ADCY8: variants seen among roughly 807,000 people sequenced by gnomAD.
The protein encoded by ADCY8 is adenylate cyclase type 8.
In ADCY8, 51 loss-of-function variants were observed where a neutral mutation model predicts 119.7. That is an observed-to-expected ratio of 0.43 (90% confidence interval 0.34 to 0.54). ADCY8 has a LOEUF of 0.54. ADCY8 is among the 20% of genes least tolerant of loss of function. The pLI is 0.03. For synonymous variants in ADCY8, 665 were observed against 651.0 expected, an observed-to-expected ratio of 1.02 and a Z score of -0.33; for missense variants, 1,383 against 1,598.8, an observed-to-expected ratio of 0.87 and a Z score of 2.30.
At chr8:130,869,324 G>A (rs1236641052) in intron 8 of ADCY8, among the ~76,000 whole-genome samples, 1 of 151,978 alleles carries the variant, frequency 6.6e-6, no homozygotes, top group Non-Finnish European at 1.5e-5. Flanking sequence ...ATTATTAATA[G>A]TTACCAATAG....
chr8:131,036,088 T>C (rs984475759), intron 1 of ADCY8, among the ~76,000 whole-genome samples: 2 of 152,208 alleles, frequency 1.3e-5, no homozygotes, highest in East Asian at 1.9e-4. Context: ...AAAGGGTTTC[T>C]GAAGAATAAT....
At chr8:130,830,776 G>A (rs569238882) in intron 12 of ADCY8, among the ~76,000 whole-genome samples, 21 of 152,306 alleles carry the variant, frequency 1.4e-4, no homozygotes, top group African/African-American at 4.6e-4. Flanking sequence ...CAGCAAAACT[G>A]ATGCTCTTAT....
At chr8:130,836,515 T>A in intron 11 of ADCY8, 66 bp from the exon 12 acceptor site, 1 of 1,524,142 alleles carries the variant, frequency 6.6e-7, no homozygotes, top group Non-Finnish European at 8.9e-7. Flanking sequence ...TAGCCATGGA[T>A]GCTAGTAGGT....
chr8:130,842,357 T>C (rs926135641), intron 11 of ADCY8, among the ~76,000 whole-genome samples: 2 of 152,194 alleles, frequency 1.3e-5, no homozygotes, highest in African/African-American at 4.8e-5. Flanking sequence ...TAAATAGCTT[T>C]TCAATCTCCT....
intron 1 of ADCY8, among the ~76,000 whole-genome samples, chr8:131,031,766 C>T (rs1824004228): frequency 6.6e-6 from 1 of 152,122 alleles, no homozygotes; most frequent in Non-Finnish European, 1.5e-5. Context: ...AAACCAGAAG[C>T]CAAATAAATT....
intron 7 of ADCY8, among the ~76,000 whole-genome samples, chr8:130,900,881 C>T (rs888907861): frequency 1.3e-5 from 2 of 152,196 alleles, no homozygotes; most frequent in African/African-American, 4.8e-5. Flanking sequence ...TGTGTGATCA[C>T]TCTCCCTGGA....
chr8:130,863,301 C>CATTA (rs1818005464), intron 9 of ADCY8, among the ~76,000 whole-genome samples: 1 of 150,196 alleles, frequency 6.7e-6, no homozygotes, highest in Admixed American at 6.6e-5. Flanking sequence ...GTTTTTTTTT[C>CATTA]ATTAATGTTA....
chr8:130,800,642 G>GTA, intron 14 of ADCY8, 70 bp from the exon 15 acceptor site: 1 of 1,530,550 alleles, frequency 6.5e-7, no homozygotes, highest in Non-Finnish European at 9.0e-7. Flanking sequence ...TGCTTCCTGT[G>GTA]CACACATGTG....
chr8:130,982,382 G>A (rs1422087408), intron 2 of ADCY8, among the ~76,000 whole-genome samples: 2 of 152,210 alleles, frequency 1.3e-5, no homozygotes, highest in East Asian at 3.8e-4. Flanking sequence ...GCTTCATAAG[G>A]GGGGCGGGGC....
At position 131,040,563 on chromosome 8, in the gene ADCY8, C is replaced by T. The variant is rs1275886944; in HGVS notation, c.-230G>A. 1.9e-5 allele frequency: 8 copies of T among 419,470 alleles called. No homozygotes were observed. Among genetic ancestry groups the T allele is most frequent in the Non-Finnish European group, 3.2e-5 (8 of 246,436 alleles). The allele number at this position is 419,470 out of a possible 1,614,324, so 26.0% of individuals were successfully genotyped here. On this transcript the variant is annotated 5_prime_UTR_variant, in exon 1 of 18. Coordinates refer to ENST00000286355, the MANE Select transcript of ADCY8 (RefSeq NM_001115.3). ...CGGACCTCGGCGTCCTTGCGTGCTGCTCTCCCGCCAGCCGGCGCAGCTTGG... is the reference window on the plus strand; with the variant it reads ...CGGACCTCGGCGTCCTTGCGTGCTGTTCTCCCGCCAGCCGGCGCAGCTTGG...
chr8:130,876,214 C>A (rs2917054), intron 8 of ADCY8, among the ~76,000 whole-genome samples: 38,460 of 151,876 alleles, frequency 0.25, 5,129 homozygotes, highest in South Asian at 0.44. Context: ...CCACACCTGG[C>A]TAATATTTGT....
At chr8:130,977,591 G>A (rs1406430614) in intron 2 of ADCY8, among the ~76,000 whole-genome samples, 1 of 152,170 alleles carries the variant, frequency 6.6e-6, no homozygotes, top group Non-Finnish European at 1.5e-5. Context: ...CTACACCACT[G>A]CCAGTGAGAG....
chr8:130,877,838 T>C (rs997906031), intron 8 of ADCY8, among the ~76,000 whole-genome samples: 3 of 152,122 alleles, frequency 2.0e-5, no homozygotes, highest in African/African-American at 7.2e-5. Context: ...TGGGAGATTG[T>C]TGGAAGCACC....
At chr8:130,932,067 C>T (rs1820646649) in intron 5 of ADCY8, among the ~76,000 whole-genome samples, 1 of 152,288 alleles carries the variant, frequency 6.6e-6, no homozygotes, top group African/African-American at 2.4e-5. Context: ...TTATTATAGT[C>T]TTCACAGACT....
intron 11 of ADCY8, among the ~76,000 whole-genome samples, chr8:130,841,489 A>T (rs568806452): frequency 2.2e-4 from 33 of 152,218 alleles, no homozygotes; most frequent in Non-Finnish European, 4.6e-4. Flanking sequence ...TTACAAACTA[A>T]ATCATGCATT....
chr8:130,969,545 C>G (rs1386548952), intron 2 of ADCY8, among the ~76,000 whole-genome samples: 2 of 152,174 alleles, frequency 1.3e-5, no homozygotes, highest in Admixed American at 6.5e-5. Context: ...TAGCTCCCAT[C>G]ATTTTGTCAT....
intron 1 of ADCY8, among the ~76,000 whole-genome samples, chr8:131,032,661 G>C (rs565377904): frequency 3.2e-4 from 49 of 152,152 alleles, no homozygotes; most frequent in African/African-American, 1.1e-3. Context: ...TCCCCCACAG[G>C]GCTGACTGTA....
chr8:130,874,488 A>T (rs906614209), intron 8 of ADCY8, among the ~76,000 whole-genome samples: 1 of 150,994 alleles, frequency 6.6e-6, no homozygotes, highest in Admixed American at 6.6e-5. Flanking sequence ...AATTAATTCT[A>T]TGAGTGACAG....
At chr8:130,844,185 C>T (rs1408945001) in intron 11 of ADCY8, among the ~76,000 whole-genome samples, 1 of 152,108 alleles carries the variant, frequency 6.6e-6, no homozygotes, top group Non-Finnish European at 1.5e-5. Context: ...GTCTTCCCAC[C>T]GAATCTCCTG....
Sources: gnomAD v4.1 joint callset for allele counts (sites outside exome capture counted in the v4.1 genomes callset) on GRCh38, gnomAD v4.1.1 for gene constraint, MANE v1.5 for transcripts, NCBI Gene and HGNC (gene_info 2026-07-23, HGNC 2026-07-21) for gene names.